The following LOXL3 variants were observed in gnomAD, a reference collection of about 807,000 sequenced individuals.
LOXL3 encodes the protein lysyl oxidase like 3, also known as lysyl oxidase homolog 3.
A neutral mutation model predicts 91.8 loss-of-function variants in LOXL3; 60 were observed. The ratio of observed to expected loss-of-function variants is 0.65; its 90% CI spans 0.53 to 0.81. The LOEUF (loss-of-function observed/expected upper bound fraction) is 0.81. LOXL3 is among the 30% of genes least tolerant of loss of function. The probability of loss-of-function intolerance (pLI) is 0.00; values close to 1 mark genes in which losing one functional copy is unlikely to be tolerated. For synonymous variants in LOXL3, 355 were observed against 387.6 expected, an observed-to-expected ratio of 0.92 and a Z score of 0.99; for missense variants, 874 against 1,000.4, an observed-to-expected ratio of 0.87 and a Z score of 1.70.
intron 4 of LOXL3, among the ~76,000 whole-genome samples, chr2:74,545,569 A>G (rs1676541942): frequency 6.6e-6 from 1 of 152,186 alleles, no homozygotes; most frequent in Admixed American, 6.5e-5. Context: ...TGGGGCCAAC[A>G]GTGACTTTAC....
upstream of LOXL3, chr2:74,555,479 G>C: frequency 6.2e-7 from 1 of 1,608,214 alleles, no homozygotes; most frequent in East Asian, 2.2e-5. This position sits in a 1 kb window ranked among gnomAD's most constrained non-coding sequence, Gnocchi z 6.1. Context: ...GATGCGGGGT[G>C]GGGGCAGTTA....
At chr2:74,548,336 A>G (rs1171956069) in intron 4 of LOXL3, among the ~76,000 whole-genome samples, 4 of 152,240 alleles carry the variant, frequency 2.6e-5, no homozygotes, top group Non-Finnish European at 4.4e-5. Context: ...AGGCTGCTCT[A>G]TCAGTAGGAA....
upstream of LOXL3, chr2:74,555,349 G>C (rs1388525505): frequency 4.3e-6 from 7 of 1,613,748 alleles, no homozygotes; most frequent in Non-Finnish European, 5.9e-6. This position sits in a 1 kb window ranked among gnomAD's most constrained non-coding sequence, Gnocchi z 6.1. Flanking sequence ...TGAGCCCGGC[G>C]CCACTGCCTT....
At chr2:74,550,091 A>T in intron 3 of LOXL3, 94 bp downstream of exon 3, 1 of 1,498,256 alleles carries the variant, frequency 6.7e-7, no homozygotes, top group Non-Finnish European at 8.9e-7. Flanking sequence ...ATGATCCCCC[A>T]GGGGTAACTA....
chr2:74,550,810 G>A (rs762189112), intron 2 of LOXL3, among the ~76,000 whole-genome samples: 22 of 152,186 alleles, frequency 1.4e-4, no homozygotes, highest in Non-Finnish European at 2.4e-4. Flanking sequence ...GGGGGCTTAG[G>A]AGTTTGATCT....
chr2:74,554,760 C>G, upstream of LOXL3: 6 of 1,613,774 alleles, frequency 3.7e-6, no homozygotes, highest in Non-Finnish European at 5.1e-6. The surrounding 1 kb of genome is among the most constrained non-coding windows in gnomAD (Gnocchi z 4.9). Context: ...GGGCCATGGA[C>G]GGAGCAGTGA....
rs775730383 is a variant in LOXL3, at chr2:74,549,615, C to T, written c.478-32G>A. The T allele has an allele frequency of 1.5e-5, 23 of 1,582,376 alleles. No homozygotes were observed. In the South Asian group the frequency reaches 1.7e-4, roughly 12 times the overall value. On this transcript the variant is annotated intron_variant, in intron 3 of 13. Transcript: ENST00000264094. This position sits in a 1 kb window ranked among gnomAD's most constrained non-coding sequence, Gnocchi z 5.3. ...GCGGGGCCACAAGCAGGGAAAGAAT[C>T]CCAGTGGCACCTTTCATGTGTCCCG...
chr2:74,547,765 G>A (rs1676691334), intron 4 of LOXL3, among the ~76,000 whole-genome samples: 1 of 151,994 alleles, frequency 6.6e-6, no homozygotes, highest in South Asian at 2.1e-4. Context: ...ATAGAAGTTT[G>A]TAAGCATTTA....
At chr2:74,548,209 A>G (rs933208922) in intron 4 of LOXL3, among the ~76,000 whole-genome samples, 5 of 152,234 alleles carry the variant, frequency 3.3e-5, no homozygotes, top group African/African-American at 1.2e-4. Context: ...TGACAGATGG[A>G]AAGTCACATC....
At chr2:74,555,658 T>C, upstream of LOXL3, 1 of 1,614,022 alleles carries the variant, frequency 6.2e-7, no homozygotes, top group Non-Finnish European at 8.5e-7. This position sits in a 1 kb window ranked among gnomAD's most constrained non-coding sequence, Gnocchi z 6.1. Context: ...TGTACAGCCC[T>C]ACCTGGGAAG....
At chr2:74,555,548 C>A (rs376579870), upstream of LOXL3, 26 of 1,613,032 alleles carry the variant, frequency 1.6e-5, no homozygotes, top group South Asian at 2.5e-4. The surrounding 1 kb of genome is among the most constrained non-coding windows in gnomAD (Gnocchi z 6.1). Context: ...GAGGAAATTA[C>A]GGGTTTCTCG....
chr2:74,534,523 C>T lies in LOXL3; in HGVS notation c.1823+8G>A, dbSNP rs201275624. 268 of 1,614,110 alleles carry T rather than the reference C, an allele frequency of 1.7e-4. No individual in the cohort carries two copies. Among genetic ancestry groups the T allele is most frequent in the Non-Finnish European group, 2.2e-4 (254 of 1,179,956 alleles). On this transcript the variant is annotated splice_region_variant and intron_variant, in intron 10 of 13. Coordinates refer to ENST00000264094, the MANE Select transcript of LOXL3 (RefSeq NM_032603.5). ...CTTGCCCTTCTACTTGACTCCCTAC[C>T]CTCTCACCCATGGCACTCGTGCCAC...
chr2:74,534,545 C>T lies in LOXL3; in HGVS notation c.1809G>A (p.Trp603Ter), dbSNP rs779944234. The change falls in exon 10 of 14, where the codon TGG becomes TGA. Residue 603 changes from tryptophan to a stop codon, truncating the protein, a stop_gained. Transcript: ENST00000264094. LOFTEE classifies it high-confidence loss of function. ...RPKAGRHSWVWHECHGHYHSM... is the reference protein window; with the variant it reads ...RPKAGRHSWV ...TACCCTCTCACCCATGGCACTCGTG[C>T]CACACCCAGGAGTGGCGCCCAGCCT... is the stretch of plus-strand genomic sequence containing the variant. The T allele has an allele frequency of 6.2e-7, 1 of 1,614,174 alleles. No individual in the cohort carries two copies. The highest frequency in any genetic ancestry group is 1.7e-5 in the Admixed American group (1 of 60,020).
At position 74,536,348 on chromosome 2, in the gene LOXL3, G is replaced by A. The variant is rs367718984; in HGVS notation, c.1036C>T (p.Arg346Trp). The change falls in exon 6 of 14, where the codon CGG becomes TGG. Residue 346 changes from arginine (R) to tryptophan (W), a missense_variant. Coordinates refer to ENST00000264094, the MANE Select transcript of LOXL3 (RefSeq NM_032603.5). This position sits in a 1 kb window ranked among gnomAD's most constrained non-coding sequence, Gnocchi z 4.5. Reference protein sequence around the residue: ...WDLHAASVVCRELGFGSAREA... With the variant: ...WDLHAASVVCWELGFGSAREA... Reference sequence around the variant, plus strand: ...CGAGCACTCCCGAAGCCCAGCTCCCGACACACCACGCTGGCTGCATGCAGG... The same window carrying A: ...CGAGCACTCCCGAAGCCCAGCTCCCAACACACCACGCTGGCTGCATGCAGG... 7.4e-6 allele frequency: 12 copies of A among 1,614,046 alleles called. No homozygotes were observed. The highest frequency in any genetic ancestry group is 1.6e-4 in the Middle Eastern group (1 of 6,062).
chr2:74,550,597 A>G (rs1311124864), intron 2 of LOXL3, among the ~76,000 whole-genome samples: 1 of 152,152 alleles, frequency 6.6e-6, no homozygotes, highest in South Asian at 2.1e-4. Context: ...AAAACCAAGA[A>G]TCAACCCTGA....
At chr2:74,545,715 T>TACCTC (rs1354170882) in intron 4 of LOXL3, among the ~76,000 whole-genome samples, 1 of 152,198 alleles carries the variant, frequency 6.6e-6, no homozygotes, top group Admixed American at 6.5e-5. Context: ...GTTTTCTTCC[T>TACCTC]ACCTCACCTC....
chr2:74,538,842 CAGGGGAAG>C (rs1239920049), intron 4 of LOXL3, among the ~76,000 whole-genome samples: 1 of 152,196 alleles, frequency 6.6e-6, no homozygotes, highest in Non-Finnish European at 1.5e-5. Flanking sequence ...TGGAACTCAG[CAGGGGAAG>C]ATAAGTAAAC....
chr2:74,551,577 C>T (rs1677015296), intron 2 of LOXL3, among the ~76,000 whole-genome samples: 1 of 152,262 alleles, frequency 6.6e-6, no homozygotes, highest in Non-Finnish European at 1.5e-5. Context: ...GCAATTCCTC[C>T]TTGAAACTTG....
Position 74,536,649 on chromosome 2 carries a change from T to C in LOXL3, c.912+60A>G, listed in dbSNP as rs1676040254. On this transcript the variant is annotated intron_variant, in intron 5 of 13. Transcript: ENST00000264094. This position sits in a 1 kb window ranked among gnomAD's most constrained non-coding sequence, Gnocchi z 4.5. ...GGTCAGGGCTGTGCTTAGTCTGGGG[T>C]TGCCAGGCTAGGGGTTCTCCACCTG... The C allele has an allele frequency of 4.5e-6, 7 of 1,559,530 alleles. No homozygotes were observed. The highest frequency in any genetic ancestry group is 1.1e-5 in the South Asian group (1 of 87,368).
Sources: allele counts gnomAD v4.1 joint callset (sites outside exome capture counted in the v4.1 genomes callset), GRCh38; gene constraint gnomAD v4.1.1; non-coding constraint Gnocchi (gnomAD v3.1); transcripts MANE v1.5; gene names NCBI Gene and HGNC (gene_info 2026-07-23, HGNC 2026-07-21).